The following SARS1 variants were observed in gnomAD, a reference collection of about 807,000 sequenced individuals.
SARS1 encodes seryl-tRNA synthetase 1.
In SARS1, 25 loss-of-function variants were observed where a neutral mutation model predicts 63.7. The ratio of observed to expected loss-of-function variants is 0.39; its 90% CI spans 0.29 to 0.55. SARS1 has a LOEUF of 0.55. Ranked by LOEUF, SARS1 falls within the 20% of genes least tolerant of loss-of-function variation. The probability of loss-of-function intolerance (pLI) is 0.62; values close to 1 mark genes in which losing one functional copy is unlikely to be tolerated. For missense variants in SARS1, 417 were observed against 649.7 expected, an observed-to-expected ratio of 0.64 and a Z score of 3.89; for synonymous variants, 231 against 243.5, an observed-to-expected ratio of 0.95 and a Z score of 0.48.
chr1:109,231,023 T>C lies in SARS1; in HGVS notation c.591+2T>C. On this transcript the variant is annotated splice_donor_variant, in intron 5 of 10. Coordinates refer to ENST00000234677, the MANE Select transcript of SARS1 (RefSeq NM_006513.4). LOFTEE classifies it high-confidence loss of function. ...GGGAGTCGAGGGTACTTCTTGAAGGTAAGAGCTGGGAACCAGTGAGGATAG... is the reference window on the plus strand; with the variant it reads ...GGGAGTCGAGGGTACTTCTTGAAGGCAAGAGCTGGGAACCAGTGAGGATAG... 1 of 1,478,396 alleles carries C rather than the reference T, an allele frequency of 6.8e-7. No homozygotes were observed. Among genetic ancestry groups the C allele is most frequent in the Non-Finnish European group, 9.0e-7 (1 of 1,116,072 alleles). The allele number at this position is 1,478,396 out of a possible 1,614,324, so 91.6% of individuals were successfully genotyped here.
chr1:109,236,043 A>G lies in SARS1; in HGVS notation c.1036A>G (p.Thr346Ala). 1 of 1,613,782 alleles carries G rather than the reference A, an allele frequency of 6.2e-7. No individual in the cohort carries two copies. The highest frequency in any genetic ancestry group is 8.5e-7 in the Non-Finnish European group (1 of 1,179,742). ...ATGGGAGATGTTTGAAGAGATGATT[A>G]CCACCGCAGAGGAGTTCTACCAGTC... Reference protein sequence around the residue: ...KSWEMFEEMITTAEEFYQSLG... With the variant: ...KSWEMFEEMIATAEEFYQSLG... The change falls in exon 8 of 11, where the codon ACC (threonine) becomes GCC (alanine). Residue 346 changes from threonine to alanine, a missense_variant. Thr to Ala is a moderately conservative substitution (Grantham distance 58). Transcript: ENST00000234677.
intron 4 of SARS1, 77 bp from the exon 5 acceptor site, chr1:109,230,801 T>A (rs1423035169): frequency 8.2e-6 from 11 of 1,337,778 alleles, no homozygotes; most frequent in African/African-American, 7.7e-5. Flanking sequence ...TAAGACCCTG[T>A]CTCCAAAAAA....
chr1:109,224,104 T>C, intron 2 of SARS1, 56 bp downstream of exon 2: 1 of 1,281,828 alleles, frequency 7.8e-7, no homozygotes, highest in South Asian at 1.2e-5. Flanking sequence ...TATTTGATCT[T>C]GCTCTTAGCT....
At position 109,213,952 on chromosome 1, in the gene SARS1, C is replaced by G. The variant is rs370089839; in HGVS notation, c.-41C>G. On this transcript the variant is annotated 5_prime_UTR_variant, in exon 1 of 11. Transcript: ENST00000234677. ...CGGTCACAGGCTGAGTGCTGCGGCG[C>G]GATCCTTGCTTCCCTGAGCGTTGGC... The G allele has an allele frequency of 2.4e-4, 379 of 1,573,616 alleles. No homozygotes were observed. Among genetic ancestry groups the G allele is most frequent in the Non-Finnish European group, 2.9e-4 (332 of 1,157,356 alleles).
At chr1:109,217,088 A>AG in intron 1 of SARS1, 1 of 985,412 alleles carries the variant, frequency 1.0e-6, no homozygotes, top group Non-Finnish European at 1.2e-6. Flanking sequence ...TTTTACTTGA[A>AG]GGCTTAAGTT....
chr1:109,224,971 G>A (rs995795694), intron 2 of SARS1, among the ~76,000 whole-genome samples: 31 of 152,092 alleles, frequency 2.0e-4, no homozygotes, highest in African/African-American at 6.8e-4. Flanking sequence ...CAGACGTGGC[G>A]GCCTGTGCCT....
rs1325071620 is a variant in SARS1, at chr1:109,214,935, G to C, written c.136+807G>C. 1 of 985,342 alleles carries C rather than the reference G, an allele frequency of 1.0e-6. No individual in the cohort carries two copies. The highest frequency in any genetic ancestry group is 1.2e-6 in the Non-Finnish European group (1 of 829,950). 61.0% of individuals were successfully genotyped at this position (985,342 alleles called of 1,614,324 possible). A position where few individuals can be genotyped will look rare whatever the true frequency, so the allele number is the denominator to read the frequency against. ...ACCATCTGCCCATAAATCTCTGCCT[G>C]TATTAACTGGAGTGGTCGCTGGTTG... On this transcript the variant is annotated intron_variant, in intron 1 of 10. Transcript: ENST00000234677. The surrounding 1 kb of genome is among the most constrained non-coding windows in gnomAD (Gnocchi z 4.6).
intron 4 of SARS1, among the ~76,000 whole-genome samples, chr1:109,230,330 C>T (rs1254541910): frequency 2.0e-5 from 3 of 151,954 alleles, no homozygotes; most frequent in African/African-American, 7.3e-5. Flanking sequence ...CTTGGAAAAT[C>T]ATCATTCCCA....
intron 1 of SARS1, among the ~76,000 whole-genome samples, chr1:109,218,908 A>C (rs967003619): frequency 1.3e-5 from 2 of 152,096 alleles, no homozygotes; most frequent in Non-Finnish European, 2.9e-5. Context: ...AAAGTACACA[A>C]ATCTTAGTGT....
intron 2 of SARS1, among the ~76,000 whole-genome samples, chr1:109,227,769 A>G (rs955912446): frequency 6.6e-6 from 1 of 151,954 alleles, no homozygotes; most frequent in Non-Finnish European, 1.5e-5. Context: ...GGAAAAAAAA[A>G]TTAGCCAGAC....
intron 2 of SARS1, among the ~76,000 whole-genome samples, chr1:109,226,205 A>G (rs1655065156): frequency 1.4e-5 from 2 of 144,734 alleles, no homozygotes; most frequent in Admixed American, 1.4e-4. Flanking sequence ...GCACCTGGCC[A>G]GATTTTTCCA....
Position 109,238,080 on chromosome 1 carries a change from A to T in SARS1, c.*192A>T, listed in dbSNP as rs1474344550. On this transcript the variant is annotated 3_prime_UTR_variant, in exon 11 of 11. Transcript: ENST00000234677. ...GCATGGGCATAGGGACCCATCATTG[A>T]TGACTGATGAAACCATGTAATAAAG... 3.2e-6 allele frequency: 2 copies of T among 628,210 alleles called. No homozygotes were observed. The highest frequency in any genetic ancestry group is 5.7e-6 in the Non-Finnish European group (2 of 353,490). The allele number at this position is 628,210 out of a possible 1,614,324, so 38.9% of individuals were successfully genotyped here.
Position 109,237,081 on chromosome 1 carries a change from C to A in SARS1, c.1258-163C>A. ...CAGTTATCTAATAGGCAATAAATAC[C>A]AAATAATTCAAATTTAGAAAAAAGT... On this transcript the variant is annotated intron_variant, in intron 9 of 10. Transcript: ENST00000234677. The surrounding 1 kb of genome is among the most constrained non-coding windows in gnomAD (Gnocchi z 4.1). 8.1e-7 allele frequency: 1 copy of A among 1,236,686 alleles called. No homozygotes were observed. Among genetic ancestry groups the A allele is most frequent in the Non-Finnish European group, 1.1e-6 (1 of 907,592 alleles). 76.6% of individuals were successfully genotyped at this position (1,236,686 alleles called of 1,614,324 possible).
chr1:109,219,907 T>C (rs1654892157), intron 1 of SARS1, among the ~76,000 whole-genome samples: 1 of 152,226 alleles, frequency 6.6e-6, no homozygotes, highest in Admixed American at 6.5e-5. Flanking sequence ...TAATACTCCA[T>C]TATGTAAATA....
intron 2 of SARS1, among the ~76,000 whole-genome samples, chr1:109,226,642 C>A (rs1208843912): frequency 7.6e-6 from 1 of 131,600 alleles, no homozygotes; most frequent in Non-Finnish European, 1.6e-5. Context: ...TACAGGTGTA[C>A]TCCACTATGC....
chr1:109,216,871 C>G, intron 1 of SARS1: 1 of 951,616 alleles, frequency 1.1e-6, no homozygotes, highest in Non-Finnish European at 1.3e-6. Flanking sequence ...GATCCTCCCA[C>G]CTCGGCCTCC....
intron 6 of SARS1, among the ~76,000 whole-genome samples, chr1:109,233,925 A>G (rs961613367): frequency 7.5e-6 from 1 of 132,576 alleles, no homozygotes; most frequent in African/African-American, 2.7e-5. Context: ...GCTAAAGTGA[A>G]GTGGCATGAT....
chr1:109,234,030 CGACT>C (rs1655260552), intron 6 of SARS1, among the ~76,000 whole-genome samples: 2 of 151,648 alleles, frequency 1.3e-5, no homozygotes, highest in Admixed American at 6.6e-5. Flanking sequence ...CCACCATGCC[CGACT>C]AATTTTTTTT....
intron 2 of SARS1, among the ~76,000 whole-genome samples, chr1:109,227,613 C>T (rs2101196133): frequency 6.6e-6 from 1 of 152,156 alleles, no homozygotes; most frequent in East Asian, 1.9e-4. Context: ...TAAGAATCTA[C>T]ACTCGGGGCC....
Sources: allele counts gnomAD v4.1 joint callset (sites outside exome capture counted in the v4.1 genomes callset), GRCh38; gene constraint gnomAD v4.1.1; non-coding constraint Gnocchi (gnomAD v3.1); transcripts MANE v1.5; gene names NCBI Gene and HGNC (gene_info 2026-07-23, HGNC 2026-07-21).